The following NCKAP5L variants were observed in gnomAD, a reference collection of about 807,000 sequenced individuals.
NCKAP5L encodes NCK associated protein 5 like.
NCKAP5L carries 54 observed loss-of-function variants against 103.2 expected under a neutral mutation model. That is an observed-to-expected ratio of 0.52 (90% CI 0.42 to 0.66). The LOEUF is 0.66. Among genes scored for constraint, NCKAP5L ranks in the 30% least tolerant of loss-of-function variants. The pLI is 0.00. For synonymous variants in NCKAP5L, 762 were observed against 748.6 expected, an observed-to-expected ratio of 1.02 and a Z score of -0.29; for missense variants, 1,733 against 1,750.6, an observed-to-expected ratio of 0.99 and a Z score of 0.18.
At chr12:49,808,090 T>C (rs753951436) in intron 1 of NCKAP5L, among the ~76,000 whole-genome samples, 5 of 152,336 alleles carry the variant, frequency 3.3e-5, no homozygotes, top group African/African-American at 7.2e-5. Context: ...GGACTCTCTA[T>C]GTGTGCACGC....
chr12:49,805,628 C>A (rs1235294954), intron 2 of NCKAP5L: 3 of 152,130 alleles, frequency 2.0e-5, no homozygotes, highest in Non-Finnish European at 4.4e-5. Context: ...GACCTCAGCA[C>A]TTTGGGAGGC....
At chr12:49,816,817 C>T (rs1015580607) in intron 1 of NCKAP5L, among the ~76,000 whole-genome samples, 14 of 149,656 alleles carry the variant, frequency 9.4e-5, no homozygotes, top group African/African-American at 2.2e-4. Context: ...AAAAAAAGTT[C>T]TCAACCCAAT....
chr12:49,806,734 T>C (rs1946184912), intron 1 of NCKAP5L, among the ~76,000 whole-genome samples: 1 of 152,210 alleles, frequency 6.6e-6, no homozygotes, highest in Non-Finnish European at 1.5e-5. Flanking sequence ...AACAGACATT[T>C]AAGCTCCGTA....
intron 1 of NCKAP5L, among the ~76,000 whole-genome samples, chr12:49,825,682 T>C (rs1333647336): frequency 2.6e-5 from 4 of 152,142 alleles, no homozygotes; most frequent in Non-Finnish European, 5.9e-5. Flanking sequence ...GAAGGCTTCC[T>C]TGGGATTTAA....
intron 1 of NCKAP5L, among the ~76,000 whole-genome samples, chr12:49,819,814 C>T (rs1208063729): frequency 6.6e-6 from 1 of 152,130 alleles, no homozygotes; most frequent in Non-Finnish European, 1.5e-5. Flanking sequence ...AAAGCTGAAA[C>T]CGTTTTTCAG....
intron 1 of NCKAP5L, among the ~76,000 whole-genome samples, chr12:49,821,995 A>G (rs1592763496): frequency 6.6e-6 from 1 of 152,270 alleles, no homozygotes; most frequent in East Asian, 1.9e-4. Flanking sequence ...TTGAAATCCT[A>G]ATACCCAAGG....
chr12:49,823,184 G>C (rs1272177584), intron 1 of NCKAP5L, among the ~76,000 whole-genome samples: 3 of 152,122 alleles, frequency 2.0e-5, no homozygotes, highest in African/African-American at 4.8e-5. Flanking sequence ...GTAAAAGTTG[G>C]GTTTATTCTA....
chr12:49,798,351 T>A lies in NCKAP5L; in HGVS notation c.464A>T (p.Glu155Val). ...GACCACAATACCTAGCCCTCCTACC[T>A]CTCTCTGCCCAGCACAGTGCCCCAG... is the stretch of plus-strand genomic sequence containing the variant. ...LPLGHCAGQREVCWEQQLRPG... is the reference protein window; with the variant it reads ...LPLGHCAGQRVVCWEQQLRPG... The change falls in exon 7 of 13, where the codon GAG becomes GTG. Residue 155 changes from glutamate to valine, a missense_variant and splice_region_variant. Physicochemically the swap from Glu to Val is moderately radical, Grantham distance 121. Coordinates refer to ENST00000335999, the MANE Select transcript of NCKAP5L (RefSeq NM_001037806.4). 1 of 1,556,312 alleles carries A rather than the reference T, an allele frequency of 6.4e-7. No individual in the cohort carries two copies. The highest frequency in any genetic ancestry group is 2.4e-5 in the East Asian group (1 of 41,516).
Position 49,792,176 on chromosome 12 carries a change from G to T in NCKAP5L, c.3793-125C>A. 1 of 1,047,890 alleles carries T rather than the reference G, an allele frequency of 9.5e-7. No individual in the cohort carries two copies. Among genetic ancestry groups the T allele is most frequent in the Non-Finnish European group, 1.4e-6 (1 of 721,964 alleles). The allele number at this position is 1,047,890 out of a possible 1,614,324, so 64.9% of individuals were successfully genotyped here. A position where few individuals can be genotyped will look rare whatever the true frequency, so the allele number is the denominator to read the frequency against. On this transcript the variant is annotated intron_variant, in intron 12 of 12. Transcript: ENST00000335999. The surrounding 1 kb of genome is among the most constrained non-coding windows in gnomAD (Gnocchi z 4.5). Reference sequence around the variant, plus strand: ...GGCTGCTCCAGAGGGGGCCCAAGGTGGGGTATACTTCAGAGGAAACAGGCT... The same window carrying T: ...GGCTGCTCCAGAGGGGGCCCAAGGTTGGGTATACTTCAGAGGAAACAGGCT...
At chr12:49,799,478 T>TA (rs918495869) in intron 6 of NCKAP5L, among the ~76,000 whole-genome samples, 2 of 151,634 alleles carry the variant, frequency 1.3e-5, no homozygotes, top group East Asian at 1.9e-4. Flanking sequence ...CCTGGCTAAT[T>TA]AAAAAAAAAT....
Position 49,795,507 on chromosome 12 carries a change from C to T in NCKAP5L, c.2353G>A (p.Ala785Thr). The T allele has an allele frequency of 6.5e-7, 1 of 1,531,464 alleles. No homozygotes were observed. The highest frequency in any genetic ancestry group is 8.7e-7 in the Non-Finnish European group (1 of 1,144,010). The allele number at this position is 1,531,464 out of a possible 1,614,324, so 94.9% of individuals were successfully genotyped here. ...VELAKSRLAG[A>T]LCPQVPRTPA... ...GTACGGGGTACCTGGGGGCACAGGGCCCCTGCCAGCCGGCTCTTGGCCAGC... is the reference window on the plus strand; with the variant it reads ...GTACGGGGTACCTGGGGGCACAGGGTCCCTGCCAGCCGGCTCTTGGCCAGC... Residue 785 changes from alanine to threonine, a missense_variant, in exon 8 of 13, where the codon GCC becomes ACC. Ala to Thr is a moderately conservative substitution (Grantham distance 58). Transcript: ENST00000335999.
At chr12:49,820,603 C>T (rs1409994541) in intron 1 of NCKAP5L, among the ~76,000 whole-genome samples, 2 of 152,220 alleles carry the variant, frequency 1.3e-5, no homozygotes, top group South Asian at 4.1e-4. Context: ...GCGTGAGCCA[C>T]TGCACCCAGG....
chr12:49,809,680 C>G (rs532988196), intron 1 of NCKAP5L, among the ~76,000 whole-genome samples: 35 of 152,278 alleles, frequency 2.3e-4, no homozygotes, highest in African/African-American at 7.9e-4. Context: ...AACACCCTTT[C>G]CAGCCAAGAT....
At chr12:49,801,072 G>A (rs938121769) in intron 6 of NCKAP5L, among the ~76,000 whole-genome samples, 1 of 152,252 alleles carries the variant, frequency 6.6e-6, no homozygotes, top group Non-Finnish European at 1.5e-5. Context: ...CAAGGGCCAA[G>A]CTACCAGTGA....
chr12:49,821,810 T>G (rs996380426), intron 1 of NCKAP5L, among the ~76,000 whole-genome samples: 1 of 152,238 alleles, frequency 6.6e-6, no homozygotes, highest in African/African-American at 2.4e-5. Flanking sequence ...GCCGCTCATA[T>G]AGCTTGAGAA....
chr12:49,814,399 G>A (rs767046685), intron 1 of NCKAP5L, among the ~76,000 whole-genome samples: 16 of 150,514 alleles, frequency 1.1e-4, no homozygotes, highest in African/African-American at 2.4e-4. Flanking sequence ...CAGGAGAACC[G>A]TGTGAACCCG....
chr12:49,823,860 CA>C (rs1472939396), intron 1 of NCKAP5L, among the ~76,000 whole-genome samples: 1 of 152,184 alleles, frequency 6.6e-6, no homozygotes, highest in Non-Finnish European at 1.5e-5. Context: ...AATGATTGAG[CA>C]GATGCCACAC....
Position 49,792,804 on chromosome 12 carries a change from T to G in NCKAP5L, c.3523A>C (p.Thr1175Pro), listed in dbSNP as rs774419799. The G allele has an allele frequency of 6.3e-7, 1 of 1,589,480 alleles. No individual in the cohort carries two copies. Among genetic ancestry groups the G allele is most frequent in the Admixed American group, 1.7e-5 (1 of 58,200 alleles). ...PLTKVPRRAH[T>P]LEREVPGIEE... ...ATGCCTGGCACCTCCCGCTCCAGTGTGTGGGCGCGGCGGGGGACTTTGGTA... is the reference window on the plus strand; with the variant it reads ...ATGCCTGGCACCTCCCGCTCCAGTGGGTGGGCGCGGCGGGGGACTTTGGTA... The change falls in exon 11 of 13, where the codon ACA becomes CCA. Residue 1175 changes from threonine (T) to proline (P), a missense_variant. Physicochemically the swap from Thr to Pro is conservative, Grantham distance 38. Transcript: ENST00000335999. This position sits in a 1 kb window ranked among gnomAD's most constrained non-coding sequence, Gnocchi z 4.5.
In NCKAP5L at chr12:49,796,372, G is replaced by A. The variant is rs540936293; in HGVS notation, c.1488C>T (p.Ser496=). 3.8e-6 allele frequency: 6 copies of A among 1,577,706 alleles called. No homozygotes were observed. The East Asian group carries it at 1.4e-4, about 36-fold the overall frequency. ...IPCRNSGSDG[S]PSPLLARRGL... ...CCCTTCGGGCCAACAGTGGGGAGGGGCTGCCGTCTGAGCCACTGTTCCGAC... is the reference window on the plus strand; with the variant it reads ...CCCTTCGGGCCAACAGTGGGGAGGGACTGCCGTCTGAGCCACTGTTCCGAC... Residue 496 remains serine (S), a synonymous_variant, in exon 8 of 13, where the codon AGC becomes AGT. Coordinates refer to ENST00000335999, the MANE Select transcript of NCKAP5L (RefSeq NM_001037806.4).
Sources: gnomAD v4.1 joint callset for allele counts (sites outside exome capture counted in the v4.1 genomes callset) on GRCh38, gnomAD v4.1.1 for gene constraint, Gnocchi (gnomAD v3.1) non-coding constraint, MANE v1.5 for transcripts, NCBI Gene and HGNC (gene_info 2026-07-23, HGNC 2026-07-21) for gene names.